NKAIN3: variants seen among roughly 807,000 people sequenced by gnomAD.
NKAIN3 encodes sodium/potassium transporting ATPase interacting 3, also known as sodium/potassium-transporting ATPase subunit beta-1-interacting protein 3.
Under a neutral mutation model 30.2 loss-of-function variants are expected in NKAIN3, and 25 were observed. The observed-to-expected ratio is 0.83, with a 90% CI of 0.60 to 1.16. NKAIN3 has a LOEUF of 1.16. Among genes scored for constraint, NKAIN3 ranks in the 50% most tolerant of loss-of-function variants. The pLI is 0.00. For synonymous variants in NKAIN3, 91 were observed against 89.6 expected (o/e 1.02, Z -0.09); for missense variants, 225 against 254.1 (o/e 0.89, Z 0.78).
In NKAIN3 at chr8:62,885,106, A is replaced by G. The variant is rs565391891; in HGVS notation, c.472-33347A>G. Among the ~76,000 whole-genome samples the G allele has an allele frequency of 2.0e-5, 3 of 152,224 alleles. No individual in the cohort carries two copies. In the East Asian group the frequency reaches 5.8e-4, roughly 29 times the overall value. ...TTTATTTTATATGTTGCTTTTATCT[A>G]ATGTTTGTATTCAATGCTATACAGT... On this transcript the variant is annotated intron_variant, in intron 4 of 6. Coordinates refer to ENST00000623646, the MANE Select transcript of NKAIN3 (RefSeq NM_001304533.3).
At chr8:62,263,473 C>T (rs1205869339) in intron 1 of NKAIN3, among the ~76,000 whole-genome samples, 2 of 152,206 alleles carry the variant, frequency 1.3e-5, no homozygotes, top group East Asian at 1.9e-4. Flanking sequence ...ATCAGAATTA[C>T]GCTGATGGGC....
chr8:62,921,933 C>A (rs1156968909), intron 5 of NKAIN3, among the ~76,000 whole-genome samples: 1 of 152,116 alleles, frequency 6.6e-6, no homozygotes, highest in African/African-American at 2.4e-5. Context: ...TACTGCCAGG[C>A]TTTTTCAGAG....
At position 62,310,322 on chromosome 8, in the gene NKAIN3, G is replaced by T. The variant is rs2351655; in HGVS notation, c.54+61195G>T. 9.7e-3 allele frequency among the ~76,000 whole-genome samples: 1,463 copies of T among 150,110 alleles called. 150 individuals are homozygous for T. Among genetic ancestry groups the T allele is most frequent in the African/African-American group, 0.035 (1,389 of 39,708 alleles). ...TGTTTTTTGAAAGTATTGAAACACT[G>T]GGAAGGATCTTTCAAAGGCGAGTTT... On this transcript the variant is annotated intron_variant, in intron 1 of 6. Transcript: ENST00000623646.
chr8:62,891,731 T>C (rs1350515830), intron 4 of NKAIN3, among the ~76,000 whole-genome samples: 1 of 152,182 alleles, frequency 6.6e-6, no homozygotes, highest in African/African-American at 2.4e-5. Flanking sequence ...ATTTCTAAGA[T>C]GTAGATAAAA....
Position 62,965,975 on chromosome 8 carries a change from A to G in NKAIN3, c.*568A>G, listed in dbSNP as rs535455003. On this transcript the variant is annotated 3_prime_UTR_variant, in exon 7 of 7. Coordinates refer to ENST00000623646, the MANE Select transcript of NKAIN3 (RefSeq NM_001304533.3). ...GTCCTCCTTTGTTCCTGACTTCTTA[A>G]AACCCAGAACGATATTATGGCAATC... 410 of 985,146 alleles carry G rather than the reference A, an allele frequency of 4.2e-4. No homozygotes were observed. The highest frequency in any genetic ancestry group is 4.6e-4 in the Non-Finnish European group (382 of 829,680). 61.0% of individuals were successfully genotyped at this position (985,146 alleles called of 1,614,324 possible).
intron 1 of NKAIN3, among the ~76,000 whole-genome samples, chr8:62,541,387 C>A (rs1389394348): frequency 1.3e-5 from 2 of 152,086 alleles, no homozygotes; most frequent in Non-Finnish European, 2.9e-5. Context: ...ATTCTGATTT[C>A]AAACTACCTG....
At chr8:62,890,519 CT>C (rs750367624) in intron 4 of NKAIN3, among the ~76,000 whole-genome samples, 1 of 152,226 alleles carries the variant, frequency 6.6e-6, no homozygotes, top group Non-Finnish European at 1.5e-5. Context: ...AGTAGTTTCT[CT>C]GCCCACAATG....
chr8:62,445,765 T>C (rs1478829761), intron 1 of NKAIN3, among the ~76,000 whole-genome samples: 1 of 152,156 alleles, frequency 6.6e-6, no homozygotes, highest in African/African-American at 2.4e-5. Context: ...CCATCAAAAA[T>C]CTACCTTCAA....
rs3032932 is a variant in NKAIN3, at chr8:62,751,814, C to CTGTGTGTGTGTGTGTGTG, written c.471+4695_471+4712dup. Among the ~76,000 whole-genome samples, 215 of 146,676 alleles carry CTGTGTGTGTGTGTGTGTG rather than the reference C, an allele frequency of 1.5e-3. 2 individuals are homozygous for CTGTGTGTGTGTGTGTGTG. The highest frequency in any genetic ancestry group is 4.4e-3 in the African/African-American group (176 of 39,850). On this transcript the variant is annotated intron_variant, in intron 4 of 6. Coordinates refer to ENST00000623646, the MANE Select transcript of NKAIN3 (RefSeq NM_001304533.3). ...TTATACACAATGTTATACTAAAAAA[C>CTGTGTGTGTGTGTGTGTG]TGTGTGTGTGTGTGTGTGTGTGTGT...
At chr8:62,490,726 C>A (rs71513481) in intron 1 of NKAIN3, among the ~76,000 whole-genome samples, 2 of 151,982 alleles carry the variant, frequency 1.3e-5, no homozygotes, top group Admixed American at 1.3e-4. Context: ...CATCACGATG[C>A]CATCCCAGTG....
intron 1 of NKAIN3, among the ~76,000 whole-genome samples, chr8:62,306,536 TTGTGTGTGTGTGTGTGTG>T (rs10552182): frequency 5.1e-5 from 7 of 135,966 alleles, no homozygotes; most frequent in Non-Finnish European, 7.7e-5. Flanking sequence ...TTTGAAGGCT[TTGTGTGTGTGTGTGTGTG>T]TGTGTGTGTG....
intron 1 of NKAIN3, among the ~76,000 whole-genome samples, chr8:62,570,967 C>G (rs1809917198): frequency 2.0e-5 from 3 of 152,112 alleles, no homozygotes; most frequent in Admixed American, 2.0e-4. Context: ...ATGACTGCTA[C>G]TCTCTTGTGT....
intron 1 of NKAIN3, among the ~76,000 whole-genome samples, chr8:62,279,809 A>G (rs1391474248): frequency 6.6e-6 from 1 of 152,206 alleles, no homozygotes; most frequent in Non-Finnish European, 1.5e-5. Flanking sequence ...AGGTAGCATG[A>G]TGCCTCCAGC....
intron 4 of NKAIN3, among the ~76,000 whole-genome samples, chr8:62,805,784 A>T (rs1253622890): frequency 6.6e-6 from 1 of 152,210 alleles, no homozygotes; most frequent in Non-Finnish European, 1.5e-5. Flanking sequence ...ATGGCAACAA[A>T]AGCCAAAATG....
chr8:62,353,323 G>A (rs1397055824), intron 1 of NKAIN3, among the ~76,000 whole-genome samples: 2 of 152,200 alleles, frequency 1.3e-5, no homozygotes, highest in Non-Finnish European at 2.9e-5. Flanking sequence ...AATGCAATTA[G>A]AACTTAAATT....
At chr8:62,859,328 C>T (rs1257371081) in intron 4 of NKAIN3, among the ~76,000 whole-genome samples, 4 of 151,964 alleles carry the variant, frequency 2.6e-5, no homozygotes, top group African/African-American at 9.7e-5. Context: ...CACCCCAGTT[C>T]ATAACCAAGC....
intron 3 of NKAIN3, among the ~76,000 whole-genome samples, chr8:62,708,336 T>C (rs945481230): frequency 9.2e-5 from 14 of 152,222 alleles, no homozygotes; most frequent in Admixed American, 8.5e-4. Flanking sequence ...TTTCACAGCA[T>C]TGATTCTACC....
rs528180982 is a variant in NKAIN3 at position 62,810,967 on chromosome 8, G to C, written c.471+63838G>C. Among the ~76,000 whole-genome samples, 4 of 152,194 alleles carry C rather than the reference G, an allele frequency of 2.6e-5. No homozygotes were observed. The East Asian group carries it at 5.8e-4, about 22-fold the overall frequency. On this transcript the variant is annotated intron_variant, in intron 4 of 6. Coordinates refer to ENST00000623646, the MANE Select transcript of NKAIN3 (RefSeq NM_001304533.3). ...ACAATATTACAACCAGGATATTGAC[G>C]TTATTGCAGCTAACATACTGAACAA... is the stretch of plus-strand genomic sequence containing the variant.
chr8:62,592,234 C>A (rs150207960), intron 3 of NKAIN3, among the ~76,000 whole-genome samples: 1 of 151,968 alleles, frequency 6.6e-6, no homozygotes, highest in African/African-American at 2.4e-5. Context: ...GACAGCAATC[C>A]TGTCTTACCT....
Sources: allele counts gnomAD v4.1 joint callset (sites outside exome capture counted in the v4.1 genomes callset), GRCh38; gene constraint gnomAD v4.1.1; transcripts MANE v1.5; gene names NCBI Gene and HGNC (gene_info 2026-07-23, HGNC 2026-07-21).